LRRC3B: variants seen among roughly 807,000 people sequenced by gnomAD.
LRRC3B encodes leucine-rich repeat-containing protein 3B.
Under a neutral mutation model 12.8 loss-of-function variants are expected in LRRC3B, and 2 were observed. That is an observed-to-expected ratio of 0.16 (90% CI 0.06 to 0.49). The LOEUF is 0.49. LRRC3B is among the 20% of genes least tolerant of loss of function. The pLI, the probability that LRRC3B is intolerant of heterozygous loss-of-function variation, is 0.96. For synonymous variants in LRRC3B, 132 were observed against 122.0 expected, an observed-to-expected ratio of 1.08 and a Z score of -0.54; for missense variants, 189 against 319.4, an observed-to-expected ratio of 0.59 and a Z score of 3.11.
intron 1 of LRRC3B, among the ~76,000 whole-genome samples, chr3:26,702,476 G>T (rs1700478663): frequency 7.3e-6 from 1 of 136,796 alleles, no homozygotes; most frequent in South Asian, 2.4e-4. Flanking sequence ...ATCTTCAGCT[G>T]GATTGGTTTC....
chr3:26,655,201 C>T (rs1699349150), intron 1 of LRRC3B, among the ~76,000 whole-genome samples: 1 of 151,866 alleles, frequency 6.6e-6, no homozygotes, highest in African/African-American at 2.4e-5. Context: ...TACTCTACTG[C>T]AGTGAATTAA....
chr3:26,664,961 A>G (rs1699569026), intron 1 of LRRC3B, among the ~76,000 whole-genome samples: 1 of 151,354 alleles, frequency 6.6e-6, no homozygotes, highest in Non-Finnish European at 1.5e-5. Context: ...GGGATAGGGT[A>G]CAAGAATTTA....
At chr3:26,672,518 T>A (rs1699769490) in intron 1 of LRRC3B, among the ~76,000 whole-genome samples, 1 of 152,218 alleles carries the variant, frequency 6.6e-6, no homozygotes, top group Admixed American at 6.5e-5. Flanking sequence ...AACAGAAGGT[T>A]AATTCTATCA....
chr3:26,693,507 T>A (rs1281023490), intron 1 of LRRC3B, among the ~76,000 whole-genome samples: 1 of 152,084 alleles, frequency 6.6e-6, no homozygotes, highest in Non-Finnish European at 1.5e-5. Flanking sequence ...TTTAAGGAGC[T>A]TTAAAGTTGC....
intron 1 of LRRC3B, among the ~76,000 whole-genome samples, chr3:26,635,525 A>G (rs1698850068): frequency 6.6e-6 from 1 of 152,108 alleles, no homozygotes; most frequent in Admixed American, 6.5e-5. Flanking sequence ...CACCAAGGAA[A>G]GGCCATGTGA....
intron 1 of LRRC3B, among the ~76,000 whole-genome samples, chr3:26,693,793 T>C (rs997217423): frequency 4.6e-5 from 7 of 152,170 alleles, no homozygotes. Context: ...TTTATAAGGT[T>C]TTCAAAGCCT....
At position 26,671,367 on chromosome 3, in the gene LRRC3B, T is replaced by TAGAGAGAG. The variant is rs1480789861; in HGVS notation, c.-160-38145_-160-38144insGAGAGAGA. Among the ~76,000 whole-genome samples, 137 of 40,294 alleles carry TAGAGAGAG rather than the reference T, an allele frequency of 3.4e-3. 1 individual carries two copies. Among genetic ancestry groups the TAGAGAGAG allele is most frequent in the South Asian group, 6.8e-3 (7 of 1,024 alleles). 26.4% of individuals were successfully genotyped at this position (40,294 alleles called of 152,430 possible). ...ATATGTGTGTATATATATATATATA[T>TAGAGAGAG]ATATATAGAGAGAGAGAGAGAGAGA... On this transcript the variant is annotated intron_variant, in intron 1 of 1. Coordinates refer to ENST00000396641, the Ensembl canonical transcript of LRRC3B.
chr3:26,648,712 G>C (rs1202157821), intron 1 of LRRC3B, among the ~76,000 whole-genome samples: 1 of 152,210 alleles, frequency 6.6e-6, no homozygotes, highest in African/African-American at 2.4e-5. Context: ...TGGGAAAAAT[G>C]TGTATAGCAC....
intron 1 of LRRC3B, among the ~76,000 whole-genome samples, chr3:26,701,835 G>A (rs763307147): frequency 6.6e-6 from 1 of 152,126 alleles, no homozygotes; most frequent in Non-Finnish European, 1.5e-5. Context: ...ACATGTGTCA[G>A]CCAAGCTTTA....
intron 1 of LRRC3B, among the ~76,000 whole-genome samples, chr3:26,690,195 A>G (rs1266059924): frequency 6.6e-6 from 1 of 152,230 alleles, no homozygotes; most frequent in Non-Finnish European, 1.5e-5. Flanking sequence ...CAGAGGCCAT[A>G]AAATTTGTGA....
intron 1 of LRRC3B, among the ~76,000 whole-genome samples, chr3:26,664,727 CAG>C (rs1380877728): frequency 1.3e-5 from 2 of 151,982 alleles, no homozygotes; most frequent in Non-Finnish European, 2.9e-5. Flanking sequence ...TTCTAGGAGA[CAG>C]TTTAGGTCTC....
chr3:26,662,089 A>G (rs537971594), intron 1 of LRRC3B, among the ~76,000 whole-genome samples: 1 of 152,332 alleles, frequency 6.6e-6, no homozygotes, highest in African/African-American at 2.4e-5. Flanking sequence ...TCATACCATT[A>G]AAGAAATATG....
intron 1 of LRRC3B, among the ~76,000 whole-genome samples, chr3:26,683,227 A>C (rs1700006552): frequency 6.6e-6 from 1 of 152,180 alleles, no homozygotes; most frequent in African/African-American, 2.4e-5. Flanking sequence ...TACAGGCCAG[A>C]GGCATCCTTT....
At chr3:26,677,101 C>T (rs1005466637) in intron 1 of LRRC3B, among the ~76,000 whole-genome samples, 4 of 152,182 alleles carry the variant, frequency 2.6e-5, no homozygotes, top group African/African-American at 4.8e-5. Context: ...AGTCATCAAT[C>T]TCATTTGCAA....
chr3:26,699,006 A>T (rs1453067753), intron 1 of LRRC3B, among the ~76,000 whole-genome samples: 2 of 152,078 alleles, frequency 1.3e-5, no homozygotes, highest in South Asian at 2.1e-4. Context: ...TATCTAGAAC[A>T]GTTCTAAAGC....
intron 1 of LRRC3B, among the ~76,000 whole-genome samples, chr3:26,675,088 C>T (rs956366073): frequency 5.3e-5 from 8 of 152,082 alleles, no homozygotes; most frequent in African/African-American, 1.7e-4. Context: ...CTTTGTTTTC[C>T]GTGTACTTTA....
chr3:26,671,647 C>T (rs1032953460), intron 1 of LRRC3B, among the ~76,000 whole-genome samples: 4 of 151,782 alleles, frequency 2.6e-5, no homozygotes, highest in Non-Finnish European at 1.5e-5. Flanking sequence ...CCCGCCTTGG[C>T]CTCCCAAAGT....
intron 1 of LRRC3B, among the ~76,000 whole-genome samples, chr3:26,670,750 A>G (rs1473270763): frequency 1.3e-5 from 2 of 152,204 alleles, no homozygotes; most frequent in Non-Finnish European, 2.9e-5. Context: ...CAAGTATAAT[A>G]TAGAGATAAT....
chr3:26,647,713 A>G (rs1481838048), intron 1 of LRRC3B, among the ~76,000 whole-genome samples: 1 of 152,152 alleles, frequency 6.6e-6, no homozygotes, highest in Non-Finnish European at 1.5e-5. Context: ...TTTCAAATGA[A>G]ACTCGGAGGA....
Sources: allele counts gnomAD v4.1 joint callset (sites outside exome capture counted in the v4.1 genomes callset), GRCh38; gene constraint gnomAD v4.1.1; transcripts MANE v1.5; gene names NCBI Gene and HGNC (gene_info 2026-07-23, HGNC 2026-07-21).